Variants in DSP observed in about 807,000 individuals in gnomAD.
The protein encoded by DSP is 250/210 kDa paraneoplastic pemphigus antigen.
A neutral mutation model predicts 290.6 loss-of-function variants in DSP; 114 were observed. That is an observed-to-expected ratio of 0.39 (90% CI 0.34 to 0.46). The LOEUF (loss-of-function observed/expected upper bound fraction) is 0.46. DSP is among the 20% of genes least tolerant of loss of function. The pLI, the probability that DSP is intolerant of heterozygous loss-of-function variation, is 0.99. For missense variants in DSP, 3,230 were observed against 3,495.8 expected (o/e 0.92, Z 1.92); for synonymous variants, 1,311 against 1,316.4 (o/e 1.00, Z 0.09).
rs931912143 is a variant in DSP, at chr6:7,582,194, T to C, written c.5380-448T>C. On this transcript the variant is annotated intron_variant, in intron 23 of 23. Transcript: ENST00000379802. This position sits in a 1 kb window ranked among gnomAD's most constrained non-coding sequence, Gnocchi z 4.2. ...TATCTATATATTATATATATAATTA[T>C]ATAATTACATAATATATATTTATCT... Among the ~76,000 whole-genome samples the C allele has an allele frequency of 7.6e-5, 11 of 145,200 alleles. No individual in the cohort carries two copies. The South Asian group carries it at 1.9e-3, about 25-fold the overall frequency.
At chr6:7,559,496 A>T in intron 4 of DSP, 96 bp downstream of exon 4, 1 of 1,509,482 alleles carries the variant, frequency 6.6e-7, no homozygotes, top group Non-Finnish European at 9.1e-7. Flanking sequence ...AGTCTTCTAG[A>T]CCTCAGGTGG....
At chr6:7,553,674 C>G (rs897842500) in intron 1 of DSP, among the ~76,000 whole-genome samples, 1 of 152,176 alleles carries the variant, frequency 6.6e-6, no homozygotes, top group South Asian at 2.1e-4. Context: ...TTGCTTGTAT[C>G]TCAGCAGTAT....
Position 7,585,000 on chromosome 6 carries a change from G to T in DSP, c.7738G>T (p.Asp2580Tyr), listed in dbSNP as rs371129517. 6.8e-6 allele frequency: 11 copies of T among 1,614,208 alleles called. No homozygotes were observed. In the African/African-American group the frequency reaches 1.3e-4, roughly 20 times the overall value. ...CAGCATGGGCAGTGGTGTCAGCGAT[G>T]ATGTTTTTAGCAGCTCCCGACATGA... ...SSSMGSGVSD[D>Y]VFSSSRHESV... The change falls in exon 24 of 24, where the codon GAT becomes TAT. Residue 2580 changes from aspartate (D) to tyrosine (Y), a missense_variant. Transcript: ENST00000379802. This position sits in a 1 kb window ranked among gnomAD's most constrained non-coding sequence, Gnocchi z 6.4.
chr6:7,554,600 A>AT (rs923905915), intron 1 of DSP, among the ~76,000 whole-genome samples: 5 of 152,218 alleles, frequency 3.3e-5, no homozygotes, highest in South Asian at 4.1e-4. Context: ...TCACACCATG[A>AT]TTTTTAAAAA....
chr6:7,576,142 A>G (rs553244927), intron 18 of DSP, 152 bp from the exon 19 acceptor site: 4 of 865,646 alleles, frequency 4.6e-6, no homozygotes, highest in African/African-American at 1.7e-5. Flanking sequence ...GCTGTGATAA[A>G]AAGTGCTGCT....
In DSP at chr6:7,578,489, T is replaced by C. The variant is rs910919703; in HGVS notation, c.3011T>C (p.Ile1004Thr). 3 of 1,613,792 alleles carry C rather than the reference T, an allele frequency of 1.9e-6. No individual in the cohort carries two copies. The highest frequency in any genetic ancestry group is 2.7e-5 in the African/African-American group (2 of 74,938). ...GCTGCAGATGTTCATGCTCGGTACA[T>C]TGAACTACTTACAAGATCTGGAGAC... ...QEAADVHARY[I>T]ELLTRSGDYY... Residue 1004 changes from isoleucine (I) to threonine (T), a missense_variant, in exon 22 of 24, where the codon ATT (isoleucine) becomes ACT (threonine). By Grantham distance (89) the Ile-to-Thr change is moderately conservative. Transcript: ENST00000379802.
At chr6:7,549,950 A>G (rs1205288124) in intron 1 of DSP, among the ~76,000 whole-genome samples, 2 of 152,124 alleles carry the variant, frequency 1.3e-5, no homozygotes, top group Non-Finnish European at 2.9e-5. Context: ...TTTTGCCTAT[A>G]ATGTCCCTCT....
At chr6:7,576,544 G>A (rs189220522) in intron 19 of DSP, 88 bp downstream of exon 19, 4 of 1,526,412 alleles carry the variant, frequency 2.6e-6, no homozygotes, top group Admixed American at 1.7e-5. Flanking sequence ...CAGTGCCTAG[G>A]TTTGAAATGA....
chr6:7,583,173 C>G lies in DSP; in HGVS notation c.5911C>G (p.Leu1971Val). ...CACCTCCAAGCTGGTGTTTGATGGG[C>G]TGAGGAAGAAGGTGACAGCAATGCA... is the stretch of plus-strand genomic sequence containing the variant. Reference protein sequence around the residue: ...VDTSKLVFDGLRKKVTAMQLY... With the variant: ...VDTSKLVFDGVRKKVTAMQLY... The change falls in exon 24 of 24, where the codon CTG (leucine) becomes GTG (valine). Residue 1971 changes from leucine to valine, a missense_variant. This residue lies in a region of DSP where 1,714 missense variants were observed against 1,844.5 expected (regional missense o/e 0.93). Coordinates refer to ENST00000379802, the MANE Select transcript of DSP (RefSeq NM_004415.4). The surrounding 1 kb of genome is among the most constrained non-coding windows in gnomAD (Gnocchi z 4.0). The G allele has an allele frequency of 6.2e-7, 1 of 1,613,974 alleles. No individual in the cohort carries two copies. Among genetic ancestry groups the G allele is most frequent in the Non-Finnish European group, 8.5e-7 (1 of 1,179,996 alleles).
Position 7,581,525 on chromosome 6 carries a change from A to G in DSP, c.5335A>G (p.Asn1779Asp). The G allele has an allele frequency of 6.2e-7, 1 of 1,614,130 alleles. No individual in the cohort carries two copies. The highest frequency in any genetic ancestry group is 1.3e-5 in the African/African-American group (1 of 75,048). ...TAATGATTTACAGAGAGAGAGGGAA[A>G]ATTTGAGACAGGAAATTGAGAAATT... Reference protein sequence around the residue: ...LINDLQRERENLRQEIEKFQK... With the variant: ...LINDLQREREDLRQEIEKFQK... Residue 1779 changes from asparagine (N) to aspartate (D), a missense_variant, in exon 23 of 24, where the codon AAT (asparagine) becomes GAT (aspartate). Around this residue, in one of 5 missense-constraint regions of DSP, gnomAD observed 1,714 missense variants for 1,844.5 expected, o/e 0.93. Transcript: ENST00000379802.
At chr6:7,547,389 C>G (rs1758197137) in intron 1 of DSP, among the ~76,000 whole-genome samples, 2 of 151,894 alleles carry the variant, frequency 1.3e-5, no homozygotes, top group Admixed American at 1.3e-4. Context: ...GAAGCTGCAG[C>G]AAACAGATCA....
In DSP at chr6:7,580,144, G is replaced by A. The variant is rs866656949; in HGVS notation, c.3954G>A (p.Lys1318=). The change falls in exon 23 of 24, where the codon AAG becomes AAA. Residue 1318 remains lysine (K), a synonymous_variant. Transcript: ENST00000379802. The surrounding 1 kb of genome is among the most constrained non-coding windows in gnomAD (Gnocchi z 4.2). ...RHKQSLEEAA[K]TIQDKNKEIE... ...AGCAGTCCCTGGAGGAGGCTGCCAAGACCATTCAGGACAAAAATAAGGAGA... is the reference window on the plus strand; with the variant it reads ...AGCAGTCCCTGGAGGAGGCTGCCAAAACCATTCAGGACAAAAATAAGGAGA... 3.7e-6 allele frequency: 6 copies of A among 1,613,996 alleles called. No homozygotes were observed. The highest frequency in any genetic ancestry group is 1.7e-5 in the Admixed American group (1 of 59,990).
At chr6:7,542,167 C>T (rs1319195127) in intron 1 of DSP, 82 bp downstream of exon 1, 5 of 1,515,818 alleles carry the variant, frequency 3.3e-6, no homozygotes, top group Non-Finnish European at 3.6e-6. Context: ...CTGGGAGACT[C>T]GGGTCCCGAA....
chr6:7,569,279 G>C lies in DSP; in HGVS notation c.1513G>C (p.Val505Leu). 6.2e-7 allele frequency: 1 copy of C among 1,614,156 alleles called. No homozygotes were observed. The highest frequency in any genetic ancestry group is 8.5e-7 in the Non-Finnish European group (1 of 1,180,032). ...GGGCCCGGGAGGCGTTGACATGCTT[G>C]TTCCCTCTGTGGGGCTGATCATCCC... ...VTGPGGVDML[V>L]PSVGLIIPPP... The change falls in exon 12 of 24, where the codon GTT becomes CTT. Residue 505 changes from valine to leucine, a missense_variant. Val to Leu is a conservative substitution (Grantham distance 32). Around this residue, in one of 5 missense-constraint regions of DSP, gnomAD observed 646 missense variants for 684.3 expected, o/e 0.94. Coordinates refer to ENST00000379802, the MANE Select transcript of DSP (RefSeq NM_004415.4).
At chr6:7,556,412 C>G (rs1318625942) in intron 2 of DSP, among the ~76,000 whole-genome samples, 1 of 152,138 alleles carries the variant, frequency 6.6e-6, no homozygotes, top group Non-Finnish European at 1.5e-5. Flanking sequence ...TGTGTGAAGT[C>G]TTCATTTTAA....
intron 23 of DSP, among the ~76,000 whole-genome samples, chr6:7,581,956 A>G (rs776096152): frequency 1.4e-4 from 21 of 152,242 alleles, no homozygotes; most frequent in Non-Finnish European, 2.9e-4. Context: ...GTGTTTCCCT[A>G]TGCAATTTTT....
intron 4 of DSP, among the ~76,000 whole-genome samples, chr6:7,562,323 A>T (rs796838604): frequency 1.3e-4 from 20 of 152,090 alleles, no homozygotes; most frequent in African/African-American, 3.9e-4. Context: ...ATATATATGC[A>T]CACATATGTT....
intron 15 of DSP, 21 bp downstream of exon 15, chr6:7,572,089 T>C: frequency 6.2e-7 from 1 of 1,601,116 alleles, no homozygotes; most frequent in South Asian, 1.1e-5. Context: ...GCTAGTATTT[T>C]GCCTGGTTAC....
At position 7,584,143 on chromosome 6, in the gene DSP, C is replaced by G. The variant is rs147000526; in HGVS notation, c.6881C>G (p.Ala2294Gly). The G allele has an allele frequency of 7.9e-4, 1,282 of 1,614,152 alleles. 5 individuals are homozygous for G. Among genetic ancestry groups the G allele is most frequent in the Admixed American group, 2.1e-3 (128 of 60,028 alleles). Residue 2294 changes from alanine (A) to glycine (G), a missense_variant, in exon 24 of 24, where the codon GCC becomes GGC. Around this residue, in one of 5 missense-constraint regions of DSP, gnomAD observed 207 missense variants for 281.2 expected, o/e 0.74. Transcript: ENST00000379802. The surrounding 1 kb of genome is among the most constrained non-coding windows in gnomAD (Gnocchi z 6.4). Reference protein sequence around the residue: ...RPGTALELLEAQAATGFIVDP... With the variant: ...RPGTALELLEGQAATGFIVDP... ...GGTACTGCTCTGGAGTTGCTGGAAG[C>G]CCAAGCAGCTACTGGCTTTATAGTG...
Sources: gnomAD v4.1 joint callset for allele counts (sites outside exome capture counted in the v4.1 genomes callset) on GRCh38, gnomAD v4.1.1 for gene constraint, gnomAD v4.1.1 regional missense constraint, Gnocchi (gnomAD v3.1) non-coding constraint, MANE v1.5 for transcripts, NCBI Gene and HGNC (gene_info 2026-07-23, HGNC 2026-07-21) for gene names.